The following NFIA variants were observed in gnomAD, a reference collection of about 807,000 sequenced individuals.
NFIA encodes nuclear factor I A.
NFIA carries 8 observed loss-of-function variants against 62.8 expected under a neutral mutation model. The ratio of observed to expected loss-of-function variants is 0.13; its 90% CI spans 0.07 to 0.23. The LOEUF (loss-of-function observed/expected upper bound fraction) is 0.23. Ranked by LOEUF, NFIA falls within the 10% of genes least tolerant of loss-of-function variation. The pLI is 1.00. For missense variants in NFIA, 410 were observed against 642.1 expected, an observed-to-expected ratio of 0.64 and a Z score of 3.91; for synonymous variants, 235 against 238.1, an observed-to-expected ratio of 0.99 and a Z score of 0.12.
intron 3 of NFIA, among the ~76,000 whole-genome samples, chr1:61,304,285 AAG>A (rs376576764): frequency 4.0e-5 from 6 of 151,432 alleles, no homozygotes; most frequent in South Asian, 2.1e-4. Flanking sequence ...AAAAAAGAAA[AAG>A]AGAGAGAGAG....
At chr1:61,193,126 T>C (rs866455691) in intron 2 of NFIA, among the ~76,000 whole-genome samples, 2 of 152,352 alleles carry the variant, frequency 1.3e-5, no homozygotes, top group Non-Finnish European at 2.9e-5. Flanking sequence ...ACATGGCTAT[T>C]ATCATTGAAT....
intron 4 of NFIA, among the ~76,000 whole-genome samples, chr1:61,337,558 T>G (rs1467611793): frequency 2.0e-5 from 3 of 152,054 alleles, no homozygotes; most frequent in African/African-American, 4.8e-5. Flanking sequence ...ATTCTCTGCT[T>G]TGGGGAAGGG....
rs944638741 is a variant in NFIA, at chr1:61,096,495, C to T, written c.559+7815C>T. Among the ~76,000 whole-genome samples the T allele has an allele frequency of 5.3e-5, 8 of 151,444 alleles. No individual in the cohort carries two copies. The South Asian group carries it at 8.3e-4, about 16-fold the overall frequency. ...CTGGGATTACAGGCATGAGCCACCA[C>T]GCCTGGCCATGAGCTTTGTTTCTAA... On this transcript the variant is annotated intron_variant, in intron 2 of 10. Coordinates refer to ENST00000403491, the MANE Select transcript of NFIA (RefSeq NM_001134673.4).
At chr1:61,160,218 G>T (rs1198872055) in intron 2 of NFIA, among the ~76,000 whole-genome samples, 1 of 152,062 alleles carries the variant, frequency 6.6e-6, no homozygotes, top group East Asian at 1.9e-4. Flanking sequence ...TTAAAATAAG[G>T]GCTTGACCTA....
intron 3 of NFIA, among the ~76,000 whole-genome samples, chr1:61,288,917 G>A (rs1434715966): frequency 6.6e-6 from 1 of 152,092 alleles, no homozygotes; most frequent in African/African-American, 2.4e-5. Context: ...ATAGGCACAC[G>A]CCACCAAGCC....
rs114976225 is a variant in NFIA at position 61,254,682 on chromosome 1, A to C, written c.560-22838A>C. ...TCTCAGAGCACAGTAAGATTCAAGT[A>C]CCATCTCCCAGAATTGGGGTCAGCA... On this transcript the variant is annotated intron_variant, in intron 2 of 10. Coordinates refer to ENST00000403491, the MANE Select transcript of NFIA (RefSeq NM_001134673.4). Among the ~76,000 whole-genome samples the C allele has an allele frequency of 2.1e-3, 317 of 152,334 alleles. 1 individual carries two copies. The highest frequency in any genetic ancestry group is 7.4e-3 in the African/African-American group (306 of 41,578).
At chr1:61,193,546 T>G (rs1651788357) in intron 2 of NFIA, among the ~76,000 whole-genome samples, 2 of 152,234 alleles carry the variant, frequency 1.3e-5, no homozygotes, top group South Asian at 4.1e-4. Context: ...TAAGTCATTC[T>G]TCCTCTGTTG....
chr1:61,083,571 C>T (rs1247640340), intron 1 of NFIA, among the ~76,000 whole-genome samples: 1 of 151,756 alleles, frequency 6.6e-6, no homozygotes, highest in African/African-American at 2.4e-5. Context: ...CGGGTGGAGC[C>T]TGCGTCCTCG....
At chr1:61,102,451 A>G (rs1646527484) in intron 2 of NFIA, among the ~76,000 whole-genome samples, 1 of 152,098 alleles carries the variant, frequency 6.6e-6, no homozygotes. Flanking sequence ...AAAATTTGAA[A>G]ATCTCTCTGT....
intron 3 of NFIA, among the ~76,000 whole-genome samples, chr1:61,284,123 G>C (rs1000559399): frequency 6.6e-6 from 1 of 152,134 alleles, no homozygotes; most frequent in Non-Finnish European, 1.5e-5. Context: ...ACACAGTAGA[G>C]TGACCACCAA....
chr1:61,332,665 A>G (rs552236906), intron 4 of NFIA, 79 bp downstream of exon 4: 5 of 1,152,196 alleles, frequency 4.3e-6, no homozygotes, highest in African/African-American at 3.1e-5. Flanking sequence ...CCTAGAGACC[A>G]AAAAAAGCTT....
intron 10 of NFIA, among the ~76,000 whole-genome samples, chr1:61,447,860 G>A (rs761250756): frequency 2.0e-5 from 3 of 152,126 alleles, no homozygotes; most frequent in Non-Finnish European, 4.4e-5. Flanking sequence ...GGCTCCAGAA[G>A]GGCAGGTACG....
chr1:61,381,896 C>G (rs1664435111), intron 6 of NFIA, among the ~76,000 whole-genome samples: 1 of 152,124 alleles, frequency 6.6e-6, no homozygotes, highest in African/African-American at 2.4e-5. Context: ...GCAAAACTAG[C>G]TAAATTTCTG....
At chr1:61,361,782 G>GGTGTGTGTGTGTGT (rs61410878) in intron 6 of NFIA, among the ~76,000 whole-genome samples, 5 of 142,178 alleles carry the variant, frequency 3.5e-5, no homozygotes, top group African/African-American at 7.9e-5. Flanking sequence ...TTTGGTAAGA[G>GGTGTGTGTGTGTGT]GTGTGTGTGT....
intron 2 of NFIA, among the ~76,000 whole-genome samples, chr1:61,095,501 G>A (rs1646395437): frequency 6.6e-6 from 1 of 152,084 alleles, no homozygotes; most frequent in Admixed American, 6.5e-5. Context: ...TTTAGGGTTG[G>A]ATGTCGTTTT....
intron 2 of NFIA, among the ~76,000 whole-genome samples, chr1:61,208,156 C>T (rs762468467): frequency 6.6e-6 from 1 of 152,006 alleles, no homozygotes; most frequent in Non-Finnish European, 1.5e-5. Flanking sequence ...TTAGGTGAAC[C>T]GTTCCCTATA....
intron 4 of NFIA, among the ~76,000 whole-genome samples, chr1:61,341,388 C>A (rs1414908341): frequency 6.6e-6 from 1 of 152,044 alleles, no homozygotes; most frequent in African/African-American, 2.4e-5. Flanking sequence ...CTTAGTTTTA[C>A]AGTATTTTAA....
intron 2 of NFIA, among the ~76,000 whole-genome samples, chr1:61,100,835 A>G (rs907592851): frequency 2.0e-5 from 3 of 151,942 alleles, no homozygotes; most frequent in Non-Finnish European, 4.4e-5. Context: ...GCTTCCAGTG[A>G]TCCTCCCACC....
intron 2 of NFIA, among the ~76,000 whole-genome samples, chr1:61,105,064 G>A (rs561344684): frequency 4.6e-5 from 7 of 152,038 alleles, no homozygotes; most frequent in East Asian, 1.9e-4. Flanking sequence ...TTCCCGCTGC[G>A]CTTCCAAGGA....
Sources: allele counts gnomAD v4.1 joint callset (sites outside exome capture counted in the v4.1 genomes callset), GRCh38; gene constraint gnomAD v4.1.1; transcripts MANE v1.5; gene names NCBI Gene and HGNC (gene_info 2026-07-23, HGNC 2026-07-21).